Variants in SHANK2 observed in about 807,000 individuals in gnomAD.
SHANK2 encodes SH3 and multiple ankyrin repeat domains protein 2.
In SHANK2, 43 loss-of-function variants were observed where a neutral mutation model predicts 133.7. The ratio of observed to expected loss-of-function variants is 0.32; its 90% CI spans 0.25 to 0.41. The LOEUF (loss-of-function observed/expected upper bound fraction) is 0.41. SHANK2 is among the 10% of genes least tolerant of loss of function. SHANK2 has a pLI of 1.00. For missense variants in SHANK2, 1,994 were observed against 2,235.8 expected (o/e 0.89, Z 2.18); for synonymous variants, 1,017 against 952.8 (o/e 1.07, Z -1.24).
In SHANK2 at chr11:71,085,806, T is replaced by C. The variant is rs1188133480; in HGVS notation, c.912+6616A>G. 2.9e-3 allele frequency among the ~76,000 whole-genome samples: 161 copies of C among 55,316 alleles called. 3 individuals are homozygous for C. The highest frequency in any genetic ancestry group is 0.011 in the African/African-American group (145 of 12,958). 36.3% of individuals were successfully genotyped at this position (55,316 alleles called of 152,430 possible). ...TTATATAATATATGATACAACATAA[T>C]ATATTATGTTATATTATATAATAAT... On this transcript the variant is annotated intron_variant, in intron 8 of 25. Coordinates refer to ENST00000601538, the MANE Select transcript of SHANK2 (RefSeq NM_012309.5).
At chr11:70,844,515 AAC>A (rs1213021319) in intron 11 of SHANK2, among the ~76,000 whole-genome samples, 15 of 152,194 alleles carry the variant, frequency 9.9e-5, no homozygotes, top group Admixed American at 3.3e-4. Flanking sequence ...AGGAGTTGGA[AAC>A]ACAGGCTCCA....
intron 17 of SHANK2, among the ~76,000 whole-genome samples, chr11:70,513,578 A>G (rs1371358627): frequency 6.6e-6 from 1 of 152,246 alleles, no homozygotes; most frequent in Admixed American, 6.5e-5. Flanking sequence ...AAACCCAGAG[A>G]TGACCCAGAT....
chr11:70,652,589 C>G (rs571139269), intron 17 of SHANK2, among the ~76,000 whole-genome samples: 33 of 152,150 alleles, frequency 2.2e-4, no homozygotes, highest in Non-Finnish European at 3.8e-4. Flanking sequence ...GTGGGAGGAT[C>G]ATTTGAGGCC....
intron 17 of SHANK2, among the ~76,000 whole-genome samples, chr11:70,546,347 T>C (rs1212591061): frequency 2.0e-5 from 3 of 152,074 alleles, no homozygotes; most frequent in East Asian, 1.9e-4. Flanking sequence ...TCTAGAATCA[T>C]GTGGTTGGTT....
chr11:70,845,466 G>T (rs73532091), intron 11 of SHANK2, among the ~76,000 whole-genome samples: 5,362 of 152,040 alleles, frequency 0.035, 278 homozygotes, highest in African/African-American at 0.12. Flanking sequence ...TTTCCTACTC[G>T]GCTTCGTGAA....
chr11:70,866,558 G>A (rs980052670), intron 11 of SHANK2, among the ~76,000 whole-genome samples: 4 of 152,144 alleles, frequency 2.6e-5, no homozygotes, highest in Admixed American at 6.5e-5. Flanking sequence ...TGCTGCAGAC[G>A]TCAGTAACTC....
intron 17 of SHANK2, among the ~76,000 whole-genome samples, chr11:70,552,436 C>T (rs1009289210): frequency 6.6e-6 from 1 of 152,220 alleles, no homozygotes; most frequent in African/African-American, 2.4e-5. Context: ...CACAGCGAGT[C>T]ATTTATCGAG....
chr11:70,542,344 A>C (rs2059633284), intron 17 of SHANK2, among the ~76,000 whole-genome samples: 1 of 152,180 alleles, frequency 6.6e-6, no homozygotes, highest in Admixed American at 6.5e-5. Context: ...GTGACGACAG[A>C]GACACAGGTT....
chr11:71,100,522 C>T (rs1295488523), intron 6 of SHANK2, among the ~76,000 whole-genome samples: 1 of 152,180 alleles, frequency 6.6e-6, no homozygotes, highest in Admixed American at 6.5e-5. Context: ...TCTGAAAAGG[C>T]TGCATGCTGT....
At chr11:70,671,587 C>T (rs1421268547) in intron 15 of SHANK2, among the ~76,000 whole-genome samples, 1 of 152,246 alleles carries the variant, frequency 6.6e-6, no homozygotes, top group African/African-American at 2.4e-5. Flanking sequence ...GATATTTTCA[C>T]TTGTCCCCAG....
intron 3 of SHANK2, among the ~76,000 whole-genome samples, chr11:71,128,330 C>T (rs1374338309): frequency 2.0e-5 from 3 of 152,330 alleles, no homozygotes; most frequent in South Asian, 4.1e-4. Flanking sequence ...AAACCTGCTG[C>T]GTGCCTGGCC....
intron 17 of SHANK2, among the ~76,000 whole-genome samples, chr11:70,647,109 G>A (rs1406808568): frequency 4.6e-5 from 7 of 151,998 alleles, no homozygotes; most frequent in African/African-American, 1.5e-4. Flanking sequence ...CAGGGGATCT[G>A]CCTGCCTTGG....
intron 17 of SHANK2, among the ~76,000 whole-genome samples, chr11:70,605,822 G>A (rs1302396512): frequency 6.6e-6 from 1 of 152,200 alleles, no homozygotes; most frequent in African/African-American, 2.4e-5. Context: ...CAGGCCCCAG[G>A]ACGGCAGGTG....
intron 17 of SHANK2, among the ~76,000 whole-genome samples, chr11:70,560,388 A>G (rs2136126052): frequency 6.6e-6 from 1 of 152,252 alleles, no homozygotes; most frequent in East Asian, 1.9e-4. Flanking sequence ...GAAGATCTCA[A>G]TAAATGGAGA....
At chr11:71,208,712 G>T (rs1954185042) in intron 2 of SHANK2, among the ~76,000 whole-genome samples, 1 of 152,096 alleles carries the variant, frequency 6.6e-6, no homozygotes, top group Non-Finnish European at 1.5e-5. Context: ...GTGAGTTACT[G>T]AATCTCCAGC....
intron 10 of SHANK2, among the ~76,000 whole-genome samples, chr11:70,953,934 T>G (rs1049177573): frequency 6.6e-6 from 1 of 152,166 alleles, no homozygotes; most frequent in Non-Finnish European, 1.5e-5. Flanking sequence ...GCCTGTGGAC[T>G]GACAGGCACG....
At chr11:70,770,073 C>G (rs1326841780) in intron 14 of SHANK2, among the ~76,000 whole-genome samples, 5 of 152,244 alleles carry the variant, frequency 3.3e-5, no homozygotes, top group Non-Finnish European at 7.3e-5. Context: ...CCTGGGCCCT[C>G]TGGCTCCCTC....
intron 1 of SHANK2, among the ~76,000 whole-genome samples, chr11:71,245,105 T>C (rs1954943377): frequency 6.6e-6 from 1 of 152,080 alleles, no homozygotes; most frequent in South Asian, 2.1e-4. Context: ...CTCAGCTTCC[T>C]GAGTAGCTGG....
At chr11:71,209,050 AT>A (rs1565515817) in intron 2 of SHANK2, among the ~76,000 whole-genome samples, 3 of 152,222 alleles carry the variant, frequency 2.0e-5, no homozygotes, top group Non-Finnish European at 4.4e-5. Context: ...TCAGAGCAGA[AT>A]AAAGCCCAGT....
Sources: allele counts gnomAD v4.1 joint callset (sites outside exome capture counted in the v4.1 genomes callset), GRCh38; gene constraint gnomAD v4.1.1; transcripts MANE v1.5; gene names NCBI Gene and HGNC (gene_info 2026-07-23, HGNC 2026-07-21).